KAZN: variants seen among roughly 807,000 people sequenced by gnomAD.
KAZN encodes the protein kazrin.
In KAZN, 40 loss-of-function variants were observed where a neutral mutation model predicts 87.4. That is an observed-to-expected ratio of 0.46 (90% CI 0.36 to 0.60). The LOEUF (loss-of-function observed/expected upper bound fraction) is 0.60. Ranked by LOEUF, KAZN falls within the 20% of genes least tolerant of loss-of-function variation. KAZN has a pLI of 0.00. For missense variants in KAZN, 898 were observed against 1,073.9 expected, an observed-to-expected ratio of 0.84 and a Z score of 2.29; for synonymous variants, 466 against 458.3, an observed-to-expected ratio of 1.02 and a Z score of -0.22.
At chr1:14,631,615 C>T (rs145417042) in intron 1 of KAZN, among the ~76,000 whole-genome samples, 11 of 152,346 alleles carry the variant, frequency 7.2e-5, no homozygotes, top group East Asian at 5.8e-4. Context: ...GGCCCCGCCA[C>T]GGTACAGCAG....
chr1:15,109,027 A>C (rs1224478182), intron 13 of KAZN, among the ~76,000 whole-genome samples: 1 of 152,186 alleles, frequency 6.6e-6, no homozygotes, highest in African/African-American at 2.4e-5. Context: ...CTGGAGGCCA[A>C]GGTCACCCCG....
chr1:14,091,131 A>G (rs1290366604), intron 1 of KAZN, among the ~76,000 whole-genome samples: 6 of 149,842 alleles, frequency 4.0e-5, no homozygotes, highest in African/African-American at 2.5e-5. Context: ...AAAAAAAAAA[A>G]AAGACTAGAG....
chr1:14,837,136 T>C (rs375457955), intron 1 of KAZN, among the ~76,000 whole-genome samples: 49 of 152,348 alleles, frequency 3.2e-4, no homozygotes, highest in Middle Eastern at 3.4e-3. Context: ...ATCTCATAGG[T>C]AGGCTCTTGC....
chr1:14,491,576 A>C (rs1017066387), intron 2 of KAZN, among the ~76,000 whole-genome samples: 31 of 152,214 alleles, frequency 2.0e-4, no homozygotes, highest in African/African-American at 7.5e-4. Flanking sequence ...TTCTGTATTC[A>C]CCATTAAATA....
upstream of KAZN, chr1:14,598,634 G>A: frequency 8.9e-7 from 1 of 1,119,900 alleles, no homozygotes; most frequent in Non-Finnish European, 1.1e-6. This position sits in a 1 kb window ranked among gnomAD's most constrained non-coding sequence, Gnocchi z 4.2. Context: ...CTCCCGAGCC[G>A]GCGGCGAATG....
chr1:15,067,265 G>C (rs1437846035), intron 8 of KAZN: 1 of 985,420 alleles, frequency 1.0e-6, no homozygotes, highest in African/African-American at 1.7e-5. Context: ...GCCACACTTA[G>C]AATCTCCCAG....
chr1:14,723,586 C>A (rs753618230), intron 1 of KAZN, among the ~76,000 whole-genome samples: 8 of 152,204 alleles, frequency 5.3e-5, no homozygotes, highest in Non-Finnish European at 1.2e-4. Flanking sequence ...CTGCCTGGGA[C>A]AAAAGGCCCT....
chr1:13,919,676 T>A (rs1639990383), intron 1 of KAZN, among the ~76,000 whole-genome samples: 1 of 152,228 alleles, frequency 6.6e-6, no homozygotes, highest in South Asian at 2.1e-4. Context: ...TATTGGGTTA[T>A]CTGTGTTTTC....
At chr1:14,343,723 A>G (rs1657904206) in intron 2 of KAZN, among the ~76,000 whole-genome samples, 1 of 152,174 alleles carries the variant, frequency 6.6e-6, no homozygotes, top group African/African-American at 2.4e-5. Context: ...AACAAATCGA[A>G]TTTTTAAAAT....
chr1:14,603,419 T>A (rs1737860), intron 1 of KAZN, among the ~76,000 whole-genome samples: 125,885 of 152,082 alleles, frequency 0.83, 52,440 homozygotes, highest in African/African-American at 0.92. Flanking sequence ...GGGGATTCAG[T>A]CTTCTCCCTG....
At chr1:14,292,256 C>T (rs967093092) in intron 2 of KAZN, among the ~76,000 whole-genome samples, 1 of 152,230 alleles carries the variant, frequency 6.6e-6, no homozygotes, top group African/African-American at 2.4e-5. Context: ...CTGCAGTTCA[C>T]ACATCTTTTG....
chr1:14,995,288 T>G (rs1022083233), intron 2 of KAZN, among the ~76,000 whole-genome samples: 1 of 152,190 alleles, frequency 6.6e-6, no homozygotes, highest in African/African-American at 2.4e-5. Flanking sequence ...CATCTGCTGC[T>G]CCACATCCCG....
chr1:13,988,592 C>G (rs987422029), intron 1 of KAZN, among the ~76,000 whole-genome samples: 1 of 152,054 alleles, frequency 6.6e-6, no homozygotes, highest in Non-Finnish European at 1.5e-5. Flanking sequence ...TTATTTCTCC[C>G]TACATTCTAC....
At chr1:14,194,441 T>G (rs965976844) in intron 2 of KAZN, among the ~76,000 whole-genome samples, 1 of 152,170 alleles carries the variant, frequency 6.6e-6, no homozygotes, top group Non-Finnish European at 1.5e-5. Context: ...GGACTGTTAC[T>G]TGCTCTTTTG....
chr1:14,014,578 G>T (rs1340517005), intron 1 of KAZN, among the ~76,000 whole-genome samples: 1 of 152,126 alleles, frequency 6.6e-6, no homozygotes, highest in African/African-American at 2.4e-5. Flanking sequence ...GATAAGCATG[G>T]CTTCTCCATT....
chr1:14,535,534 C>T (rs1167054442), intron 2 of KAZN, among the ~76,000 whole-genome samples: 4 of 152,162 alleles, frequency 2.6e-5, no homozygotes, highest in South Asian at 2.1e-4. Flanking sequence ...GGCGTGGTGG[C>T]GCATGCCTGT....
intron 2 of KAZN, among the ~76,000 whole-genome samples, chr1:14,335,155 G>C (rs1401036933): frequency 2.0e-5 from 3 of 150,326 alleles, no homozygotes; most frequent in Non-Finnish European, 3.0e-5. Context: ...TGCTCTGTGA[G>C]TTCACAAAAT....
intron 10 of KAZN, among the ~76,000 whole-genome samples, chr1:15,098,732 T>C (rs923720032): frequency 2.6e-5 from 4 of 152,162 alleles, no homozygotes; most frequent in African/African-American, 7.2e-5. Context: ...AGGGAGGTTG[T>C]CTTGGGCCAG....
chr1:14,132,902 A>G (rs1251721476), intron 1 of KAZN, among the ~76,000 whole-genome samples: 1 of 152,020 alleles, frequency 6.6e-6, no homozygotes, highest in Non-Finnish European at 1.5e-5. Context: ...CAACACTTCC[A>G]TCGTTATGGT....
Sources: allele counts gnomAD v4.1 joint callset (sites outside exome capture counted in the v4.1 genomes callset), GRCh38; gene constraint gnomAD v4.1.1; non-coding constraint Gnocchi (gnomAD v3.1); transcripts MANE v1.5; gene names NCBI Gene and HGNC (gene_info 2026-07-23, HGNC 2026-07-21).